ETV3: variants seen among roughly 807,000 people sequenced by gnomAD.
ETV3 encodes ETS variant transcription factor 3, also known as ETS translocation variant 3.
In ETV3, 8 loss-of-function variants were observed where a neutral mutation model predicts 33.0. The ratio of observed to expected loss-of-function variants is 0.24; its 90% CI spans 0.14 to 0.44. ETV3 has a LOEUF of 0.44. Among genes scored for constraint, ETV3 ranks in the 20% least tolerant of loss-of-function variants. ETV3 has a pLI of 1.00. For synonymous variants in ETV3, 222 were observed against 238.9 expected, an observed-to-expected ratio of 0.93 and a Z score of 0.65; for missense variants, 473 against 652.3, an observed-to-expected ratio of 0.73 and a Z score of 2.99.
intron 1 of ETV3, among the ~76,000 whole-genome samples, 170 bp downstream of exon 1, chr1:157,138,146 C>T (rs542600914): frequency 2.0e-5 from 3 of 152,294 alleles, no homozygotes; most frequent in East Asian, 1.9e-4. Context: ...GTCCCTGTCG[C>T]CCCTCAGACA....
Position 157,124,530 on chromosome 1 carries a change from A to C in ETV3, c.*311T>G, listed in dbSNP as rs1299506107. 1.3e-5 allele frequency: 3 copies of C among 236,832 alleles called. No individual in the cohort carries two copies. Among genetic ancestry groups the C allele is most frequent in the African/African-American group, 4.5e-5 (2 of 44,276 alleles). The allele number at this position is 236,832 out of a possible 1,614,324, so 14.7% of individuals were successfully genotyped here. ...CTGGAACCTGACTATCATGGGACCA[A>C]AAAGTATCTTGGCCCTTTGGGAGTT... On this transcript the variant is annotated 3_prime_UTR_variant, in exon 5 of 5. Coordinates refer to ENST00000368192, the MANE Select transcript of ETV3 (RefSeq NM_001145312.3).
At position 157,124,571 on chromosome 1, in the gene ETV3, A is replaced by G. The variant is rs527962993; in HGVS notation, c.*270T>C. 5.9e-5 allele frequency: 19 copies of G among 323,820 alleles called. 1 individual carries two copies. Among genetic ancestry groups the G allele is most frequent in the Non-Finnish European group, 1.0e-4 (18 of 178,494 alleles). 20.1% of individuals were successfully genotyped at this position (323,820 alleles called of 1,614,324 possible). A position where few individuals can be genotyped will look rare whatever the true frequency, so the allele number is the denominator to read the frequency against. On this transcript the variant is annotated 3_prime_UTR_variant, in exon 5 of 5. Transcript: ENST00000368192. ...TTTGGGAGTTTCCTTGTCAGAAAGTATAAGCCTCAACAGGAAATAGAGGCT... is the reference window on the plus strand; with the variant it reads ...TTTGGGAGTTTCCTTGTCAGAAAGTGTAAGCCTCAACAGGAAATAGAGGCT...
rs1055144689 is a variant in ETV3 at position 157,125,019 on chromosome 1, C to T, written c.1361G>A (p.Arg454Lys). 1.9e-6 allele frequency: 3 copies of T among 1,551,588 alleles called. No homozygotes were observed. The highest frequency in any genetic ancestry group is 2.6e-6 in the Non-Finnish European group (3 of 1,146,892). The change falls in exon 5 of 5, where the codon AGG (arginine) becomes AAG (lysine). Residue 454 changes from arginine to lysine, a missense_variant. Coordinates refer to ENST00000368192, the MANE Select transcript of ETV3 (RefSeq NM_001145312.3). The surrounding 1 kb of genome is among the most constrained non-coding windows in gnomAD (Gnocchi z 4.0). ...PLEVTEDSED[R>K]PGKEPSAPEK... The stretch of plus-strand genomic sequence containing the variant: ...AGGTGCACTGGGCTCTTTGCCAGGC[C>T]TATCCTCACTGTCTTCAGTCACCTC...
chr1:157,130,131 T>A (rs1030001800), intron 4 of ETV3, among the ~76,000 whole-genome samples: 1 of 152,136 alleles, frequency 6.6e-6, no homozygotes, highest in Admixed American at 6.5e-5. Flanking sequence ...CGTGAGCCAC[T>A]GTGCCGGCCC....
At chr1:157,134,440 G>A (rs906248857) in intron 3 of ETV3, among the ~76,000 whole-genome samples, 20 of 152,176 alleles carry the variant, frequency 1.3e-4, no homozygotes, top group African/African-American at 4.6e-4. Flanking sequence ...TTTGCCTAGA[G>A]GTTTACAAAG....
intron 3 of ETV3, 70 bp downstream of exon 3, chr1:157,135,401 T>C: frequency 1.3e-6 from 2 of 1,557,104 alleles, no homozygotes; most frequent in Non-Finnish European, 1.8e-6. Flanking sequence ...ACCCTTTTTA[T>C]CTAGCATTCA....
intron 4 of ETV3, among the ~76,000 whole-genome samples, chr1:157,130,124 G>A (rs1223765799): frequency 6.6e-6 from 1 of 152,168 alleles, no homozygotes; most frequent in African/African-American, 2.4e-5. Flanking sequence ...TTACAGGCGT[G>A]AGCCACTGTG....
chr1:157,127,900 G>A (rs1674877889), intron 4 of ETV3, among the ~76,000 whole-genome samples: 1 of 152,116 alleles, frequency 6.6e-6, no homozygotes, highest in Non-Finnish European at 1.5e-5. Context: ...CTCCTGATAA[G>A]ACATGAAAAA....
chr1:157,129,171 C>A (rs1382016231), intron 4 of ETV3, among the ~76,000 whole-genome samples: 1 of 152,120 alleles, frequency 6.6e-6, no homozygotes. Flanking sequence ...ACAATAATAG[C>A]CAATTTAATT....
chr1:157,135,792 C>A, intron 2 of ETV3, 84 bp from the exon 3 acceptor site: 1 of 1,349,700 alleles, frequency 7.4e-7, no homozygotes, highest in South Asian at 1.2e-5. Context: ...TTCCACTGCT[C>A]AGAATCTAGA....
intron 3 of ETV3, among the ~76,000 whole-genome samples, chr1:157,134,897 C>A (rs1373454007): frequency 6.6e-6 from 1 of 152,184 alleles, no homozygotes; most frequent in Non-Finnish European, 1.5e-5. Flanking sequence ...CTTCTAGCCC[C>A]TTGAGGGCTA....
At chr1:157,131,730 A>G (rs1269242379) in intron 4 of ETV3, among the ~76,000 whole-genome samples, 1 of 152,260 alleles carries the variant, frequency 6.6e-6, no homozygotes, top group Non-Finnish European at 1.5e-5. Flanking sequence ...ACTGGGCTGA[A>G]AAGTTGAATA....
intron 4 of ETV3, chr1:157,133,480 AAGAG>A (rs1675021524): frequency 2.0e-6 from 2 of 985,670 alleles, no homozygotes; most frequent in African/African-American, 1.7e-5. Context: ...TTTCAACATC[AAGAG>A]AGAATGTGGG....
chr1:157,134,542 G>A (rs914905799), intron 3 of ETV3, among the ~76,000 whole-genome samples: 2 of 152,076 alleles, frequency 1.3e-5, no homozygotes, highest in South Asian at 2.1e-4. Context: ...GTCCATTTCC[G>A]TCCGGTTGCA....
chr1:157,126,848 G>A (rs980508020), intron 4 of ETV3, among the ~76,000 whole-genome samples: 6 of 149,420 alleles, frequency 4.0e-5, no homozygotes, highest in African/African-American at 1.5e-4. Context: ...ACTGTAGGGA[G>A]GGGAAGAGCT....
At chr1:157,138,001 G>GCGGGTTTCCCGCAGCAGCTC (rs1212596068) in intron 1 of ETV3, among the ~76,000 whole-genome samples, 6 of 152,336 alleles carry the variant, frequency 3.9e-5, no homozygotes, top group South Asian at 2.1e-4. Context: ...GTCTGGCGCT[G>GCGGGTTTCCCGCAGCAGCTC]CGGGTTTCCC....
rs1037301551 is a variant in ETV3 at position 157,128,268 on chromosome 1, C to CT, written c.401-2290dup. 1,105 of 149,940 alleles carry CT rather than the reference C, an allele frequency of 7.4e-3. 21 individuals are homozygous for CT. Among genetic ancestry groups the CT allele is most frequent in the Admixed American group, 0.041 (619 of 14,972 alleles). The allele number at this position is 149,940 out of a possible 1,614,324, so 9.3% of individuals were successfully genotyped here. A position where few individuals can be genotyped will look rare whatever the true frequency, so the allele number is the denominator to read the frequency against. On this transcript the variant is annotated intron_variant, in intron 4 of 4. Transcript: ENST00000368192. ...TTCCACAGAAAACTGTTCTGCAGGA[C>CT]TTTTTTTTTTTTAAGCCACTGATTT...
In ETV3 at chr1:157,125,943, G is replaced by A. The variant is rs373438614; in HGVS notation, c.437C>T (p.Ala146Val). ...VPQSAPPVPT[A>V]SSRFHFPPLD... ...AGGTGGGAAATGGAACCGGGAAGAG[G>A]CTGTTGGCACTGGTGGTGCACTCTG... Residue 146 changes from alanine (A) to valine (V), a missense_variant, in exon 5 of 5, where the codon GCC (alanine) becomes GTC (valine). This residue lies in a region of ETV3 where 410 missense variants were observed against 520.2 expected (regional missense o/e 0.79). Transcript: ENST00000368192. This position sits in a 1 kb window ranked among gnomAD's most constrained non-coding sequence, Gnocchi z 4.0. 6.2e-5 allele frequency: 96 copies of A among 1,551,334 alleles called. No individual in the cohort carries two copies. In the African/African-American group the frequency reaches 1.2e-3, roughly 19 times the overall value.
At position 157,125,761 on chromosome 1, in the gene ETV3, C is replaced by G. The variant is rs925376464; in HGVS notation, c.619G>C (p.Asp207His). 1.1e-5 allele frequency: 17 copies of G among 1,551,554 alleles called. No homozygotes were observed. In the African/African-American group the frequency reaches 2.1e-4, roughly 19 times the overall value. ...GSAADWRRGV[D>H]PVSSRNAIGG... is the part of the protein sequence containing the mutation. ...ATGGCATTCCTGGAGGACACGGGAT[C>G]CACACCCCGGCGCCAGTCAGCAGCT... Residue 207 changes from aspartate to histidine, a missense_variant, in exon 5 of 5, where the codon GAT (aspartate) becomes CAT (histidine). Asp to His is a moderately conservative substitution (Grantham distance 81). Around this residue, in one of 3 missense-constraint regions of ETV3, gnomAD observed 410 missense variants for 520.2 expected, o/e 0.79. Coordinates refer to ENST00000368192, the MANE Select transcript of ETV3 (RefSeq NM_001145312.3). This position sits in a 1 kb window ranked among gnomAD's most constrained non-coding sequence, Gnocchi z 4.0.
Sources: gnomAD v4.1 joint callset for allele counts (sites outside exome capture counted in the v4.1 genomes callset) on GRCh38, gnomAD v4.1.1 for gene constraint, gnomAD v4.1.1 regional missense constraint, Gnocchi (gnomAD v3.1) non-coding constraint, MANE v1.5 for transcripts, NCBI Gene and HGNC (gene_info 2026-07-23, HGNC 2026-07-21) for gene names.